The following GPHN variants were observed in gnomAD, a reference collection of about 807,000 sequenced individuals.
The protein encoded by GPHN is gephyrin.
GPHN carries 17 observed loss-of-function variants against 95.5 expected under a neutral mutation model. That is an observed-to-expected ratio of 0.18 (90% CI 0.12 to 0.27). The LOEUF is 0.27. GPHN is among the 10% of genes least tolerant of loss of function. GPHN has a pLI of 1.00. For synonymous variants in GPHN, 320 were observed against 322.5 expected (o/e 0.99, Z 0.08); for missense variants, 660 against 978.1 (o/e 0.67, Z 4.34).
Position 66,703,124 on chromosome 14 carries a change from C to A in GPHN, c.143+21939C>A, listed in dbSNP as rs147804701. On this transcript the variant is annotated intron_variant, in intron 2 of 22. Coordinates refer to ENST00000478722, the MANE Select transcript of GPHN (RefSeq NM_020806.5). The stretch of plus-strand genomic sequence containing the variant: ...AATGAAAAGGAATGAACAAAACCTC[C>A]AAGAAATATGGGACTTCAGCGTTTA... Among the ~76,000 whole-genome samples the A allele has an allele frequency of 3.0e-3, 453 of 152,192 alleles. 3 individuals are homozygous for A. The highest frequency in any genetic ancestry group is 0.01 in the African/African-American group (435 of 41,486).
chr14:67,067,190 C>T (rs1368465397), intron 11 of GPHN, among the ~76,000 whole-genome samples: 2 of 152,180 alleles, frequency 1.3e-5, no homozygotes, highest in African/African-American at 4.8e-5. Context: ...AGTCAGGTCG[C>T]TCAGCTGCAG....
the GPHN span, among the ~76,000 whole-genome samples, chr14:67,481,414 G>A: frequency 6.6e-5 from 10 of 152,292 alleles, no homozygotes; most frequent in Admixed American, 4.6e-4. Context: ...AGCACACCAC[G>A]GCAATGTCAG....
intron 1 of GPHN, among the ~76,000 whole-genome samples, chr14:66,590,087 A>T (rs1162581399): frequency 2.0e-5 from 3 of 152,216 alleles, no homozygotes; most frequent in African/African-American, 7.2e-5. Flanking sequence ...CTGGGTAAAT[A>T]ACAAAATTAA....
intron 9 of GPHN, among the ~76,000 whole-genome samples, chr14:67,007,478 A>G (rs2072681882): frequency 6.6e-6 from 1 of 152,218 alleles, no homozygotes; most frequent in Non-Finnish European, 1.5e-5. Flanking sequence ...TATCAAGTTT[A>G]TCTATAACTT....
chr14:66,587,936 T>G (rs2061490454), intron 1 of GPHN, among the ~76,000 whole-genome samples: 1 of 152,210 alleles, frequency 6.6e-6, no homozygotes, highest in Non-Finnish European at 1.5e-5. Flanking sequence ...TCATGCCTCC[T>G]GACTGGGAGA....
the GPHN span, among the ~76,000 whole-genome samples, chr14:67,466,474 A>G: frequency 2.0e-5 from 3 of 152,214 alleles, no homozygotes; most frequent in Non-Finnish European, 4.4e-5. Flanking sequence ...GGGCACAGAA[A>G]TGGCATGGAT....
chr14:67,064,408 T>C (rs150789417), intron 11 of GPHN, among the ~76,000 whole-genome samples: 1,683 of 152,280 alleles, frequency 0.011, 27 homozygotes, highest in African/African-American at 0.038. Flanking sequence ...TTTTGTTGTG[T>C]CTCTGCCAGG....
chr14:66,635,664 A>G (rs2064057655), intron 1 of GPHN, among the ~76,000 whole-genome samples: 1 of 152,224 alleles, frequency 6.6e-6, no homozygotes, highest in African/African-American at 2.4e-5. Context: ...TACAAAAACA[A>G]CGACGAAAAA....
chr14:66,548,411 C>G (rs916581282), intron 1 of GPHN, among the ~76,000 whole-genome samples: 1 of 151,992 alleles, frequency 6.6e-6, no homozygotes, highest in African/African-American at 2.4e-5. Context: ...GAACTCCTGA[C>G]CTCAGATGAT....
At chr14:66,928,846 T>G (rs2066625553) in intron 8 of GPHN, among the ~76,000 whole-genome samples, 1 of 152,114 alleles carries the variant, frequency 6.6e-6, no homozygotes, top group Non-Finnish European at 1.5e-5. Context: ...TTTTATTGAT[T>G]TCTAGTTTTA....
At chr14:67,596,971 G>T in the GPHN span, among the ~76,000 whole-genome samples, 10 of 152,144 alleles carry the variant, frequency 6.6e-5, no homozygotes, top group Non-Finnish European at 1.5e-4. Context: ...ACTAGCTCTG[G>T]TTTTCTTTGA....
chr14:67,320,191 A>G, the GPHN span: 1 of 1,588,318 alleles, frequency 6.3e-7, no homozygotes, highest in East Asian at 2.2e-5. Context: ...ATACATGGCC[A>G]TAATTTTGTT....
chr14:67,546,878 A>G, the GPHN span, among the ~76,000 whole-genome samples: 1 of 151,848 alleles, frequency 6.6e-6, no homozygotes, highest in Non-Finnish European at 1.5e-5. Flanking sequence ...ATATATATAT[A>G]TTTTTTCTCT....
chr14:66,905,878 A>G (rs2065354166), intron 5 of GPHN, among the ~76,000 whole-genome samples: 1 of 152,088 alleles, frequency 6.6e-6, no homozygotes. Context: ...GCCTCCAGGT[A>G]CGTCCATGTT....
rs113530999 is a variant in GPHN, at chr14:66,918,523, A to T, written c.456+2454A>T. ...CTTATGTCAAAGTGGCCACAAGATT[A>T]TTTAATAGACAGATGAATGAAAGTC... On this transcript the variant is annotated intron_variant, in intron 6 of 22. Transcript: ENST00000478722. Among the ~76,000 whole-genome samples the T allele has an allele frequency of 1.9e-4, 29 of 152,270 alleles. No individual in the cohort carries two copies. In the East Asian group the frequency reaches 5.6e-3, roughly 29 times the overall value.
At chr14:66,781,935 T>A (rs537058520) in intron 3 of GPHN, among the ~76,000 whole-genome samples, 2 of 152,332 alleles carry the variant, frequency 1.3e-5, no homozygotes, top group Non-Finnish European at 1.5e-5. Context: ...TCAACTTTCC[T>A]GACTGAAATC....
At chr14:66,652,186 C>T (rs1264885936) in intron 1 of GPHN, among the ~76,000 whole-genome samples, 1 of 152,080 alleles carries the variant, frequency 6.6e-6, no homozygotes, top group Non-Finnish European at 1.5e-5. Context: ...TATTAAACAC[C>T]TATCATATGC....
the GPHN span, among the ~76,000 whole-genome samples, chr14:67,640,772 A>G: frequency 2.0e-5 from 3 of 152,160 alleles, no homozygotes; most frequent in Admixed American, 6.5e-5. Context: ...GTAGCATCCA[A>G]CTTAGGTGGG....
chr14:67,491,707 G>A, the GPHN span, among the ~76,000 whole-genome samples: 3 of 152,176 alleles, frequency 2.0e-5, no homozygotes, highest in East Asian at 1.9e-4. Context: ...TTCTTCTCAC[G>A]TGACTCAGAA....
Sources: allele counts gnomAD v4.1 joint callset (sites outside exome capture counted in the v4.1 genomes callset), GRCh38; gene constraint gnomAD v4.1.1; transcripts MANE v1.5; gene names NCBI Gene and HGNC (gene_info 2026-07-23, HGNC 2026-07-21).